The following C12orf75 variants were observed in gnomAD, a reference collection of about 807,000 sequenced individuals.
C12orf75 encodes chromosome 12 open reading frame 75, also known as overexpressed in colon carcinoma 1 protein.
In C12orf75, 4 loss-of-function variants were observed where a neutral mutation model predicts 11.4. The observed-to-expected ratio is 0.35, with a 90% confidence interval of 0.17 to 0.80. C12orf75 has a LOEUF of 0.80. Ranked by LOEUF, C12orf75 falls within the 30% of genes least tolerant of loss-of-function variation. The pLI is 0.52. For synonymous variants in C12orf75, 30 were observed against 30.0 expected, an observed-to-expected ratio of 1.00 and a Z score of 0.00; for missense variants, 89 against 80.4, an observed-to-expected ratio of 1.11 and a Z score of -0.41.
intron 2 of C12orf75, among the ~76,000 whole-genome samples, chr12:105,350,881 T>A (rs187846804): frequency 1.3e-5 from 2 of 152,336 alleles, no homozygotes; most frequent in East Asian, 3.9e-4. Context: ...AATTAACCGT[T>A]CCAGGATGCG....
chr12:105,363,025 G>A (rs1170450382), intron 2 of C12orf75, among the ~76,000 whole-genome samples: 3 of 152,284 alleles, frequency 2.0e-5, no homozygotes, highest in South Asian at 2.1e-4. Context: ...AAGCCACTAC[G>A]TTGGTCTTTC....
intron 2 of C12orf75, among the ~76,000 whole-genome samples, chr12:105,351,156 T>C (rs1188112286): frequency 6.6e-6 from 1 of 152,194 alleles, no homozygotes; most frequent in East Asian, 1.9e-4. Context: ...GACTGTAATA[T>C]TAGGTGATGC....
intron 1 of C12orf75, among the ~76,000 whole-genome samples, chr12:105,334,738 C>T (rs1892479116): frequency 6.6e-6 from 1 of 152,224 alleles, no homozygotes; most frequent in African/African-American, 2.4e-5. Context: ...TCTTTACTCA[C>T]TTGTTTTTCC....
intron 1 of C12orf75, among the ~76,000 whole-genome samples, chr12:105,341,349 GT>G (rs1892570729): frequency 6.6e-6 from 1 of 151,914 alleles, no homozygotes; most frequent in South Asian, 2.1e-4. Context: ...GACACCAAGT[GT>G]CCTGCAATTC....
chr12:105,369,307 G>A (rs1452714756), intron 5 of C12orf75, among the ~76,000 whole-genome samples: 1 of 152,168 alleles, frequency 6.6e-6, no homozygotes, highest in African/African-American at 2.4e-5. Context: ...ATTTTAGGCA[G>A]CTAGCTAAAA....
At chr12:105,369,607 C>T (rs564756578) in intron 5 of C12orf75, among the ~76,000 whole-genome samples, 1 of 152,254 alleles carries the variant, frequency 6.6e-6, no homozygotes, top group South Asian at 2.1e-4. Context: ...TCTCCCTCCC[C>T]TTTCCCCCAA....
intron 2 of C12orf75, among the ~76,000 whole-genome samples, chr12:105,357,341 G>A (rs1223828472): frequency 6.6e-6 from 1 of 152,196 alleles, no homozygotes; most frequent in African/African-American, 2.4e-5. Context: ...AGTTGCAGTG[G>A]TTGCCTTTGG....
intron 2 of C12orf75, among the ~76,000 whole-genome samples, chr12:105,359,019 C>A (rs1429358506): frequency 6.6e-6 from 1 of 152,136 alleles, no homozygotes; most frequent in Non-Finnish European, 1.5e-5. Flanking sequence ...AGCATAGCTC[C>A]CCTAGCAAGA....
chr12:105,335,218 CA>C (rs141408562), intron 1 of C12orf75, among the ~76,000 whole-genome samples: 68 of 152,308 alleles, frequency 4.5e-4, no homozygotes, highest in African/African-American at 1.6e-3. Context: ...GGAGTTAATA[CA>C]ATCCTTTTGG....
chr12:105,355,189 T>TTTTTTTTTC (rs1555265699), intron 2 of C12orf75, among the ~76,000 whole-genome samples: 1 of 139,490 alleles, frequency 7.2e-6, no homozygotes, highest in Admixed American at 7.4e-5. Flanking sequence ...TCTTTTTTTT[T>TTTTTTTTTC]TTCAGAGTTT....
At chr12:105,359,405 C>T (rs139001816) in intron 2 of C12orf75, among the ~76,000 whole-genome samples, 124 of 152,188 alleles carry the variant, frequency 8.1e-4, no homozygotes, top group African/African-American at 2.7e-3. Context: ...GTTTTTAGTG[C>T]GTTGGCTTGT....
At chr12:105,345,360 C>T (rs1043839493) in intron 1 of C12orf75, among the ~76,000 whole-genome samples, 1 of 151,558 alleles carries the variant, frequency 6.6e-6, no homozygotes, top group Admixed American at 6.6e-5. Context: ...CGTGGTGGTG[C>T]ACGCCTGTAA....
intron 2 of C12orf75, among the ~76,000 whole-genome samples, chr12:105,353,036 G>T (rs182219243): frequency 6.6e-6 from 1 of 152,150 alleles, no homozygotes; most frequent in African/African-American, 2.4e-5. Flanking sequence ...TTTTAGTGTG[G>T]CAGATTCTCA....
rs1440644530 is a variant in C12orf75, at chr12:105,370,640, C to T, written c.*40C>T. 8 of 457,514 alleles carry T rather than the reference C, an allele frequency of 1.7e-5. No homozygotes were observed. The highest frequency in any genetic ancestry group is 4.7e-5 in the Admixed American group (2 of 42,554). 28.3% of individuals were successfully genotyped at this position (457,514 alleles called of 1,614,324 possible). Reference sequence around the variant, plus strand: ...TCTTCTGTTGTCTCCTTAGCTTGCTCATCAGTTTGGAAGGAATTTGGCTCC... The same window carrying T: ...TCTTCTGTTGTCTCCTTAGCTTGCTTATCAGTTTGGAAGGAATTTGGCTCC... On this transcript the variant is annotated 3_prime_UTR_variant, in exon 6 of 6. Transcript: ENST00000443585.
At chr12:105,348,703 A>G in intron 2 of C12orf75, 77 bp downstream of exon 2, 1 of 949,300 alleles carries the variant, frequency 1.1e-6, no homozygotes, top group Non-Finnish European at 1.6e-6. Flanking sequence ...TGACCTTTAG[A>G]TCTCTGTGGG....
chr12:105,366,377 C>T, intron 3 of C12orf75: 1 of 358,270 alleles, frequency 2.8e-6, no homozygotes, highest in Non-Finnish European at 4.9e-6. Flanking sequence ...TTTCTCATTA[C>T]AAGTAAAATA....
chr12:105,368,707 GACAA>G (rs1323373346), intron 5 of C12orf75, among the ~76,000 whole-genome samples: 4 of 152,186 alleles, frequency 2.6e-5, no homozygotes, highest in African/African-American at 9.7e-5. Flanking sequence ...CACAGGTAGA[GACAA>G]ACAAACTTAC....
At chr12:105,357,832 A>G (rs998283624) in intron 2 of C12orf75, among the ~76,000 whole-genome samples, 6 of 116,268 alleles carry the variant, frequency 5.2e-5, no homozygotes, top group Non-Finnish European at 1.0e-4. Flanking sequence ...GAGAGAGAGG[A>G]GAGAGAGAGA....
intron 2 of C12orf75, among the ~76,000 whole-genome samples, chr12:105,358,733 C>G (rs1378211540): frequency 6.6e-6 from 1 of 152,150 alleles, no homozygotes; most frequent in Non-Finnish European, 1.5e-5. Context: ...GTCATGCTTA[C>G]CCTGGAAAAA....
Sources: allele counts gnomAD v4.1 joint callset (sites outside exome capture counted in the v4.1 genomes callset), GRCh38; gene constraint gnomAD v4.1.1; transcripts MANE v1.5; gene names NCBI Gene and HGNC (gene_info 2026-07-23, HGNC 2026-07-21).